CSMD1: variants seen among roughly 807,000 people sequenced by gnomAD.
CSMD1 encodes CUB and Sushi multiple domains 1, also known as CUB and sushi domain-containing protein 1.
Under a neutral mutation model 417.5 loss-of-function variants are expected in CSMD1, and 213 were observed. That is an observed-to-expected ratio of 0.51 (90% CI 0.46 to 0.57). The LOEUF is 0.57. Ranked by LOEUF, CSMD1 falls within the 20% of genes least tolerant of loss-of-function variation. The pLI is 0.00. For synonymous variants in CSMD1, 2,862 were observed against 1,736.8 expected (o/e 1.65, Z -16.11); for missense variants, 6,923 against 4,529.7 (o/e 1.53, Z -15.17).
Position 4,212,184 on chromosome 8 carries a change from A to C in CSMD1, c.416-180085T>G, listed in dbSNP as rs868843845. ...CTGTCACTTCCCTATTTATATATAT[A>C]TATATATATATTATTTTCTCTCCAT... On this transcript the variant is annotated intron_variant, in intron 3 of 69. Coordinates refer to ENST00000635120, the MANE Select transcript of CSMD1 (RefSeq NM_033225.6). 3.7e-4 allele frequency among the ~76,000 whole-genome samples: 56 copies of C among 150,104 alleles called. 1 individual carries two copies. In the Middle Eastern group the frequency reaches 0.018, roughly 48 times the overall value.
chr8:4,037,284 T>C (rs1028575648), intron 3 of CSMD1, among the ~76,000 whole-genome samples: 3 of 152,140 alleles, frequency 2.0e-5, no homozygotes, highest in African/African-American at 4.8e-5. Flanking sequence ...TGTGGGAAAA[T>C]TGGTCTTGTC....
At chr8:3,946,690 G>A (rs1034861254) in intron 5 of CSMD1, among the ~76,000 whole-genome samples, 1 of 152,214 alleles carries the variant, frequency 6.6e-6, no homozygotes, top group South Asian at 2.1e-4. Flanking sequence ...TCATGGTCTA[G>A]TGTATCTCCC....
intron 3 of CSMD1, among the ~76,000 whole-genome samples, chr8:4,277,213 A>G (rs760542297): frequency 9.7e-5 from 14 of 143,804 alleles, no homozygotes; most frequent in Non-Finnish European, 1.5e-4. Flanking sequence ...ATATATATAT[A>G]TATACACACA....
intron 1 of CSMD1, among the ~76,000 whole-genome samples, chr8:4,891,234 A>G (rs1007651449): frequency 2.0e-5 from 3 of 152,290 alleles, no homozygotes; most frequent in African/African-American, 4.8e-5. Context: ...GTAAAATTCT[A>G]TGTGCAAATA....
chr8:4,668,245 G>A (rs986190200), intron 1 of CSMD1, among the ~76,000 whole-genome samples: 1 of 151,792 alleles, frequency 6.6e-6, no homozygotes, highest in Non-Finnish European at 1.5e-5. Context: ...CCGTTGAAAA[G>A]CCCAAACCAC....
intron 2 of CSMD1, among the ~76,000 whole-genome samples, chr8:4,427,787 C>A (rs1322317379): frequency 6.6e-6 from 1 of 152,062 alleles, no homozygotes; most frequent in Non-Finnish European, 1.5e-5. Flanking sequence ...AGATTTTTAT[C>A]ACAATGTATA....
intron 2 of CSMD1, among the ~76,000 whole-genome samples, chr8:4,575,896 C>T (rs1275562219): frequency 6.6e-6 from 1 of 152,186 alleles, no homozygotes; most frequent in African/African-American, 2.4e-5. Flanking sequence ...CCCCGTGTTA[C>T]AGCTGTTGTG....
intron 18 of CSMD1, among the ~76,000 whole-genome samples, chr8:3,378,283 G>C (rs1214843528): frequency 6.6e-6 from 1 of 152,134 alleles, no homozygotes; most frequent in African/African-American, 2.4e-5. Context: ...AAGAAGCCCA[G>C]GACCAGGTGG....
chr8:3,280,801 TGAGAAGAAAC>T (rs2117214983), intron 26 of CSMD1, among the ~76,000 whole-genome samples: 1 of 152,302 alleles, frequency 6.6e-6, no homozygotes, highest in South Asian at 2.1e-4. Flanking sequence ...ATTAATTATA[TGAGAAGAAAC>T]ATTTCCATGA....
chr8:3,307,748 G>C lies in CSMD1; in HGVS notation c.3897C>G (p.Asp1299Glu). ...ILSPGYPAPYDNNLHCTWIIE... is the reference protein window; with the variant it reads ...ILSPGYPAPYENNLHCTWIIE... ...TAATCCAGGTGCAGTGGAGGTTGTT[G>C]TCATACGGAGCTGGATAGCCAGGGG... is the stretch of plus-strand genomic sequence containing the variant. The change falls in exon 25 of 70, where the codon GAC becomes GAG. Residue 1299 changes from aspartate (D) to glutamate (E), a missense_variant. Coordinates refer to ENST00000635120, the MANE Select transcript of CSMD1 (RefSeq NM_033225.6). 1 of 1,613,732 alleles carries C rather than the reference G, an allele frequency of 6.2e-7. No individual in the cohort carries two copies. Among genetic ancestry groups the C allele is most frequent in the Non-Finnish European group, 8.5e-7 (1 of 1,179,724 alleles).
chr8:4,737,883 C>G (rs767160748), intron 1 of CSMD1, among the ~76,000 whole-genome samples: 1 of 152,056 alleles, frequency 6.6e-6, no homozygotes, highest in Non-Finnish European at 1.5e-5. Context: ...AAGTTAATCC[C>G]AGATAATAAG....
intron 3 of CSMD1, among the ~76,000 whole-genome samples, chr8:4,261,707 G>C (rs1312781862): frequency 2.0e-5 from 3 of 152,042 alleles, no homozygotes; most frequent in Non-Finnish European, 2.9e-5. Context: ...ACCTCTTCTG[G>C]CTGAGAGCAG....
intron 6 of CSMD1, among the ~76,000 whole-genome samples, chr8:3,738,575 C>T (rs1479138059): frequency 6.6e-6 from 1 of 152,294 alleles, no homozygotes; most frequent in East Asian, 1.9e-4. Context: ...GCTCTGTGCT[C>T]TTGTCACGGG....
intron 1 of CSMD1, among the ~76,000 whole-genome samples, chr8:4,776,721 T>G (rs768129983): frequency 6.6e-6 from 1 of 152,178 alleles, no homozygotes; most frequent in Non-Finnish European, 1.5e-5. Flanking sequence ...AATTTTAATT[T>G]TGTAGCAAAG....
chr8:4,258,591 G>C (rs963359318), intron 3 of CSMD1, among the ~76,000 whole-genome samples: 1 of 149,080 alleles, frequency 6.7e-6, no homozygotes, highest in African/African-American at 2.5e-5. Context: ...AGGAGGGATG[G>C]AGGGAACCCT....
At chr8:3,840,158 T>C (rs1022750764) in intron 5 of CSMD1, among the ~76,000 whole-genome samples, 4 of 152,130 alleles carry the variant, frequency 2.6e-5, no homozygotes, top group African/African-American at 9.7e-5. Context: ...TAATGTTTTC[T>C]CAACATGCCT....
chr8:3,245,834 G>A (rs1441631570), intron 26 of CSMD1, among the ~76,000 whole-genome samples: 2 of 152,146 alleles, frequency 1.3e-5, no homozygotes, highest in Non-Finnish European at 2.9e-5. Flanking sequence ...GAACAAGTCT[G>A]TAATGACTTT....
chr8:4,589,979 T>A (rs1007445331), intron 2 of CSMD1, among the ~76,000 whole-genome samples: 4 of 152,206 alleles, frequency 2.6e-5, no homozygotes, highest in African/African-American at 7.2e-5. Context: ...AAGCAAGTGC[T>A]TAAGATACTG....
intron 6 of CSMD1, among the ~76,000 whole-genome samples, chr8:3,715,768 C>T (rs1801795870): frequency 6.6e-6 from 1 of 152,150 alleles, no homozygotes; most frequent in Admixed American, 6.5e-5. Flanking sequence ...GTCTCAAACT[C>T]CCGACCTCAT....
Sources: allele counts gnomAD v4.1 joint callset (sites outside exome capture counted in the v4.1 genomes callset), GRCh38; gene constraint gnomAD v4.1.1; transcripts MANE v1.5; gene names NCBI Gene and HGNC (gene_info 2026-07-23, HGNC 2026-07-21).